Variants in MPPED1 observed in about 807,000 individuals in gnomAD.
The protein encoded by MPPED1 is metallophosphoesterase domain containing 1, also known as metallophosphoesterase domain-containing protein 1.
A neutral mutation model predicts 36.2 loss-of-function variants in MPPED1; 16 were observed. The observed-to-expected ratio is 0.44, with a 90% confidence interval of 0.30 to 0.67. The LOEUF is 0.67. Among genes scored for constraint, MPPED1 ranks in the 30% least tolerant of loss-of-function variants. The pLI, the probability that MPPED1 is intolerant of heterozygous loss-of-function variation, is 0.10. For missense variants in MPPED1, 307 were observed against 453.4 expected (o/e 0.68, Z 2.93); for synonymous variants, 199 against 191.3 (o/e 1.04, Z -0.33).
At chr22:43,503,712 A>G (rs901561450) in intron 6 of MPPED1, among the ~76,000 whole-genome samples, 1 of 152,158 alleles carries the variant, frequency 6.6e-6, no homozygotes, top group East Asian at 1.9e-4. Context: ...AGGTCCTGGG[A>G]GAGATGGGCA....
chr22:43,451,155 C>T (rs574551698), intron 3 of MPPED1, among the ~76,000 whole-genome samples: 41 of 151,828 alleles, frequency 2.7e-4, no homozygotes, highest in African/African-American at 6.5e-4. Flanking sequence ...TACAGGCGTG[C>T]GCCACCACAC....
chr22:43,493,647 G>A (rs568073189), intron 4 of MPPED1, among the ~76,000 whole-genome samples: 3 of 152,306 alleles, frequency 2.0e-5, no homozygotes, highest in East Asian at 3.9e-4. Flanking sequence ...CCTCTTTCAC[G>A]GGGTTCTTGT....
At chr22:43,472,354 T>C (rs1221241006) in intron 3 of MPPED1, among the ~76,000 whole-genome samples, 3 of 152,188 alleles carry the variant, frequency 2.0e-5, no homozygotes, top group African/African-American at 7.2e-5. Context: ...AACATCAAAA[T>C]TTTGTACATT....
intron 4 of MPPED1, among the ~76,000 whole-genome samples, chr22:43,495,996 T>A (rs1453009839): frequency 2.4e-5 from 3 of 123,226 alleles, no homozygotes; most frequent in South Asian, 2.8e-4. Flanking sequence ...ATGGTGGTGG[T>A]GGTGGAGATG....
At chr22:43,447,714 C>T (rs1051635976) in intron 3 of MPPED1, among the ~76,000 whole-genome samples, 3 of 150,902 alleles carry the variant, frequency 2.0e-5, no homozygotes, top group East Asian at 1.9e-4. Flanking sequence ...ACATAGGTCT[C>T]GGGAGGGCAT....
intron 2 of MPPED1, 70 bp from the exon 3 acceptor site, chr22:43,434,964 C>T: frequency 1.3e-6 from 2 of 1,503,094 alleles, no homozygotes; most frequent in Non-Finnish European, 1.8e-6. Flanking sequence ...GTGGATGGGG[C>T]TGCAGACACA....
At chr22:43,456,007 C>T (rs1424208218) in intron 3 of MPPED1, among the ~76,000 whole-genome samples, 1 of 152,212 alleles carries the variant, frequency 6.6e-6, no homozygotes, top group Non-Finnish European at 1.5e-5. Flanking sequence ...GGAATCCTTC[C>T]TTGCCTCTTG....
At chr22:43,418,351 G>C in intron 1 of MPPED1, 1 of 351,202 alleles carries the variant, frequency 2.8e-6, no homozygotes, top group South Asian at 2.1e-5. Context: ...TTGGTCTGCA[G>C]GGCAGCAGCT....
chr22:43,424,717 T>A (rs1397485621), intron 1 of MPPED1, among the ~76,000 whole-genome samples, 191 bp from the exon 2 acceptor site: 1 of 150,882 alleles, frequency 6.6e-6, no homozygotes, highest in Non-Finnish European at 1.5e-5. Flanking sequence ...CTCCCTTCCC[T>A]TTTCTTTTTA....
At chr22:43,491,717 GATAAA>G (rs1327081353) in intron 4 of MPPED1, among the ~76,000 whole-genome samples, 5 of 144,004 alleles carry the variant, frequency 3.5e-5, no homozygotes, top group Non-Finnish European at 7.6e-5. Flanking sequence ...AGGTGGTGGT[GATAAA>G]GATGATGCTG....
intron 3 of MPPED1, among the ~76,000 whole-genome samples, chr22:43,436,610 A>C (rs1929970466): frequency 6.6e-6 from 1 of 152,202 alleles, no homozygotes; most frequent in Non-Finnish European, 1.5e-5. Flanking sequence ...CCTTGCCCAC[A>C]CTGGCTCCAG....
chr22:43,474,349 C>T lies in MPPED1; in HGVS notation c.407-387C>T, dbSNP rs947854904. The stretch of plus-strand genomic sequence containing the variant: ...CCTCTTCCCGATGATCTCAGGGGGC[C>T]GATGGCCAGTGGAGGCCTGGACAGG... On this transcript the variant is annotated intron_variant, in intron 3 of 6. Coordinates refer to ENST00000443721, the MANE Select transcript of MPPED1 (RefSeq NM_001044370.2). The surrounding 1 kb of genome is among the most constrained non-coding windows in gnomAD (Gnocchi z 5.2). 4.6e-5 allele frequency among the ~76,000 whole-genome samples: 7 copies of T among 152,228 alleles called. No individual in the cohort carries two copies. The highest frequency in any genetic ancestry group is 1.3e-4 in the Admixed American group (2 of 15,288).
At chr22:43,492,701 G>A (rs1018523535) in intron 4 of MPPED1, among the ~76,000 whole-genome samples, 6 of 152,342 alleles carry the variant, frequency 3.9e-5, no homozygotes, top group Non-Finnish European at 7.3e-5. Flanking sequence ...CCTGGAGCCT[G>A]CTCATGGCTG....
chr22:43,463,827 C>CTTTCTT lies in MPPED1; in HGVS notation c.407-10907_407-10902dup, dbSNP rs1931051761. 8.1e-3 allele frequency among the ~76,000 whole-genome samples: 733 copies of CTTTCTT among 90,708 alleles called. 15 individuals carry two copies. The highest frequency in any genetic ancestry group is 0.022 in the African/African-American group (675 of 31,112). 59.5% of individuals were successfully genotyped at this position (90,708 alleles called of 152,430 possible). ...TTTTCTTTTCTTTCTTTCTTTCTTT[C>CTTTCTT]TTTCTTTCTTTCTTTCTTTCTTTCT... On this transcript the variant is annotated intron_variant, in intron 3 of 6. Coordinates refer to ENST00000443721, the MANE Select transcript of MPPED1 (RefSeq NM_001044370.2).
chr22:43,454,752 C>T (rs189258640), intron 3 of MPPED1, among the ~76,000 whole-genome samples: 119 of 152,066 alleles, frequency 7.8e-4, no homozygotes, highest in African/African-American at 2.4e-3. Flanking sequence ...GGTTTTGACA[C>T]GTTGCTCAGG....
intron 2 of MPPED1, among the ~76,000 whole-genome samples, chr22:43,431,052 TTTTTTTTTA>T (rs1929666814): frequency 9.2e-6 from 1 of 109,120 alleles, no homozygotes; most frequent in African/African-American, 5.2e-5. Flanking sequence ...TTTTTTTTTT[TTTTTTTTTA>T]GACAGAGTCT....
intron 5 of MPPED1, among the ~76,000 whole-genome samples, chr22:43,501,171 G>A (rs1932722950): frequency 6.6e-6 from 1 of 152,172 alleles, no homozygotes; most frequent in South Asian, 2.1e-4. Context: ...CAGAGAGGTT[G>A]TAGCCGGGTT....
intron 2 of MPPED1, among the ~76,000 whole-genome samples, chr22:43,426,618 T>G (rs2146821853): frequency 6.6e-6 from 1 of 152,254 alleles, no homozygotes; most frequent in African/African-American, 2.4e-5. Context: ...GGGGTGTGTG[T>G]GAGGGCGCGA....
chr22:43,442,842 C>T (rs181893516), intron 3 of MPPED1, among the ~76,000 whole-genome samples: 3 of 152,304 alleles, frequency 2.0e-5, no homozygotes, highest in Admixed American at 1.3e-4. Context: ...TGCCGGTTCA[C>T]GTACCTCCCA....
Sources: gnomAD v4.1 joint callset for allele counts (sites outside exome capture counted in the v4.1 genomes callset) on GRCh38, gnomAD v4.1.1 for gene constraint, Gnocchi (gnomAD v3.1) non-coding constraint, MANE v1.5 for transcripts, NCBI Gene and HGNC (gene_info 2026-07-23, HGNC 2026-07-21) for gene names.